The following CTNNA2 variants were observed in gnomAD, a reference collection of about 807,000 sequenced individuals.
CTNNA2 encodes catenin alpha 2.
A neutral mutation model predicts 101.0 loss-of-function variants in CTNNA2; 42 were observed. The observed-to-expected ratio is 0.42, with a 90% confidence interval of 0.32 to 0.54. The LOEUF (loss-of-function observed/expected upper bound fraction) is 0.54, where lower values mean the gene tolerates loss of function less well. CTNNA2 is among the 20% of genes least tolerant of loss of function. The pLI, the probability that CTNNA2 is intolerant of heterozygous loss-of-function variation, is 0.14. For missense variants in CTNNA2, 871 were observed against 1,223.1 expected (o/e 0.71, Z 4.29); for synonymous variants, 450 against 456.4 (o/e 0.99, Z 0.18).
chr2:79,303,468 A>T (rs1441150298), intron 2 of CTNNA2, among the ~76,000 whole-genome samples: 1 of 152,072 alleles, frequency 6.6e-6, no homozygotes, highest in Non-Finnish European at 1.5e-5. Flanking sequence ...GGTCATGTAT[A>T]TTTACAAGCG....
chr2:80,355,566 C>T (rs1477527044), intron 7 of CTNNA2, among the ~76,000 whole-genome samples: 2 of 152,116 alleles, frequency 1.3e-5, no homozygotes, highest in Admixed American at 6.5e-5. Flanking sequence ...TATTAAGCCG[C>T]TCTTTATTGG....
intron 18 of CTNNA2, among the ~76,000 whole-genome samples, chr2:80,646,595 G>A (rs1262821083): frequency 6.6e-6 from 1 of 151,676 alleles, no homozygotes; most frequent in African/African-American, 2.4e-5. Flanking sequence ...CATAACCCCA[G>A]CATCTGTGAT....
chr2:80,340,075 A>AT (rs1672096958), intron 7 of CTNNA2, among the ~76,000 whole-genome samples: 1 of 152,144 alleles, frequency 6.6e-6, no homozygotes, highest in African/African-American at 2.4e-5. Context: ...AATAAGATTT[A>AT]TTTTTCTTCT....
At chr2:80,279,189 T>C (rs1235338080) in intron 7 of CTNNA2, among the ~76,000 whole-genome samples, 1 of 151,680 alleles carries the variant, frequency 6.6e-6, no homozygotes, top group Non-Finnish European at 1.5e-5. Flanking sequence ...CAAGAGACCT[T>C]GATAGCCTCA....
intron 1 of CTNNA2, among the ~76,000 whole-genome samples, chr2:79,517,301 G>T (rs1276954569): frequency 1.3e-5 from 2 of 152,150 alleles, no homozygotes; most frequent in Non-Finnish European, 2.9e-5. Context: ...CAAGTTTGAA[G>T]TATCAGTATT....
rs889293465 is a variant in CTNNA2, at chr2:79,286,657, C to T, written c.-405-26052C>T. On this transcript the variant is annotated intron_variant, in intron 2 of 21. Transcript: ENST00000466387. ...CTAATGGGCTTCCCTTTGAGGGTAT[C>T]CCGACCTTTCTCTCTGGCCGCCCTT... Among the ~76,000 whole-genome samples, 12 of 152,264 alleles carry T rather than the reference C, an allele frequency of 7.9e-5. No individual in the cohort carries two copies. In the East Asian group the frequency reaches 2.1e-3, roughly 27 times the overall value.
At chr2:80,076,192 G>A (rs570666935) in intron 7 of CTNNA2, among the ~76,000 whole-genome samples, 43 of 152,128 alleles carry the variant, frequency 2.8e-4, no homozygotes, top group Non-Finnish European at 5.4e-4. Context: ...GCCTTGTGCC[G>A]GGTCTAGGGA....
At chr2:80,169,731 C>T (rs1409494771) in intron 7 of CTNNA2, among the ~76,000 whole-genome samples, 1 of 152,158 alleles carries the variant, frequency 6.6e-6, no homozygotes, top group Non-Finnish European at 1.5e-5. Context: ...AGCTCCGTGT[C>T]ATTTTGGCTG....
intron 1 of CTNNA2, among the ~76,000 whole-genome samples, chr2:79,527,904 GA>G (rs2103913076): frequency 6.6e-6 from 1 of 152,188 alleles, no homozygotes; most frequent in African/African-American, 2.4e-5. Flanking sequence ...CCAAAAAGTT[GA>G]AAAATCTGAT....
At chr2:79,978,573 T>C (rs953786000) in intron 7 of CTNNA2, among the ~76,000 whole-genome samples, 3 of 152,106 alleles carry the variant, frequency 2.0e-5, no homozygotes, top group Admixed American at 6.5e-5. Flanking sequence ...CCAGAATCAA[T>C]AGACAATCCA....
chr2:80,565,713 T>A (rs903860602), intron 12 of CTNNA2, among the ~76,000 whole-genome samples: 2 of 152,146 alleles, frequency 1.3e-5, no homozygotes, highest in Non-Finnish European at 2.9e-5. Flanking sequence ...CTGACATGCA[T>A]CCTACTTGTT....
chr2:79,439,016 C>T (rs1480400952), intron 4 of CTNNA2, among the ~76,000 whole-genome samples: 2 of 152,082 alleles, frequency 1.3e-5, no homozygotes, highest in African/African-American at 2.4e-5. Flanking sequence ...TTTGAGAGAT[C>T]CTCAAAAGGT....
At chr2:80,370,483 A>G (rs1675342851) in intron 7 of CTNNA2, among the ~76,000 whole-genome samples, 1 of 152,156 alleles carries the variant, frequency 6.6e-6, no homozygotes, top group Non-Finnish European at 1.5e-5. Flanking sequence ...TATAGCCATA[A>G]TAAGGCCAAG....
chr2:79,801,982 A>C (rs1337184826), intron 3 of CTNNA2, among the ~76,000 whole-genome samples: 1 of 145,004 alleles, frequency 6.9e-6, no homozygotes, highest in Non-Finnish European at 1.5e-5. Context: ...ACAAGAGTGA[A>C]ACTCTGTCTC....
chr2:79,407,136 T>G (rs930738080), intron 4 of CTNNA2, among the ~76,000 whole-genome samples: 2 of 152,060 alleles, frequency 1.3e-5, no homozygotes, highest in East Asian at 3.9e-4. Flanking sequence ...TGGTCAAGTT[T>G]GTAAAACTAG....
At chr2:79,881,591 A>G (rs1367816117) in intron 6 of CTNNA2, among the ~76,000 whole-genome samples, 1 of 151,734 alleles carries the variant, frequency 6.6e-6, no homozygotes, top group Non-Finnish European at 1.5e-5. Flanking sequence ...TTGATCTTGT[A>G]GGTTTAAAGT....
intron 3 of CTNNA2, among the ~76,000 whole-genome samples, chr2:79,750,010 G>T (rs189337978): frequency 2.0e-5 from 3 of 152,256 alleles, no homozygotes; most frequent in Admixed American, 1.3e-4. Context: ...TGAGTAGCTC[G>T]GTATGGCTTA....
At chr2:79,405,944 G>C (rs1267173110) in intron 4 of CTNNA2, among the ~76,000 whole-genome samples, 1 of 152,014 alleles carries the variant, frequency 6.6e-6, no homozygotes. Flanking sequence ...AAAAGACATA[G>C]AGGATTACTC....
chr2:80,602,272 T>G (rs1233954195), intron 15 of CTNNA2, among the ~76,000 whole-genome samples: 1 of 152,048 alleles, frequency 6.6e-6, no homozygotes, highest in Non-Finnish European at 1.5e-5. Context: ...CTTTTCATTC[T>G]TTGTCTACAA....
Sources: gnomAD v4.1 joint callset for allele counts (sites outside exome capture counted in the v4.1 genomes callset) on GRCh38, gnomAD v4.1.1 for gene constraint, MANE v1.5 for transcripts, NCBI Gene and HGNC (gene_info 2026-07-23, HGNC 2026-07-21) for gene names.